Variants in TCF12 observed in about 807,000 individuals in gnomAD.
TCF12 encodes the protein transcription factor 12, also known as DNA-binding protein HTF4.
In TCF12, 45 loss-of-function variants were observed where a neutral mutation model predicts 86.0. The observed-to-expected ratio is 0.52, with a 90% confidence interval of 0.41 to 0.67. The LOEUF is 0.67. Among genes scored for constraint, TCF12 ranks in the 30% least tolerant of loss-of-function variants. TCF12 has a pLI of 0.00. For synonymous variants in TCF12, 330 were observed against 299.6 expected (o/e 1.10, Z -1.05); for missense variants, 881 against 859.9 (o/e 1.02, Z -0.31).
At chr15:57,022,742 T>A (rs1052773622) in intron 3 of TCF12, among the ~76,000 whole-genome samples, 2 of 152,226 alleles carry the variant, frequency 1.3e-5, no homozygotes, top group South Asian at 4.1e-4. Flanking sequence ...GTTTCCTGAC[T>A]TTTTAATGAT....
intron 5 of TCF12, among the ~76,000 whole-genome samples, chr15:57,165,752 T>G (rs1420590265): frequency 1.3e-5 from 2 of 151,962 alleles, no homozygotes; most frequent in Non-Finnish European, 2.9e-5. Flanking sequence ...TAGCCAGGAT[T>G]GTCTTGATCT....
chr15:57,127,231 T>C (rs1356435439), intron 5 of TCF12, among the ~76,000 whole-genome samples: 2 of 152,044 alleles, frequency 1.3e-5, no homozygotes, highest in African/African-American at 2.4e-5. Context: ...GATCCATTCA[T>C]CTTGGCCTCC....
intron 13 of TCF12, among the ~76,000 whole-genome samples, chr15:57,249,879 A>G (rs2060028394): frequency 6.6e-6 from 1 of 152,192 alleles, no homozygotes; most frequent in African/African-American, 2.4e-5. Flanking sequence ...ACAATCGTGA[A>G]ATAATGAAGA....
At chr15:57,073,897 C>T (rs187626372) in intron 4 of TCF12, among the ~76,000 whole-genome samples, 1 of 152,138 alleles carries the variant, frequency 6.6e-6, no homozygotes, top group Non-Finnish European at 1.5e-5. Flanking sequence ...TACAGGCGCC[C>T]ACCACCACTC....
At chr15:57,036,117 T>C (rs2066492229) in intron 3 of TCF12, among the ~76,000 whole-genome samples, 1 of 147,526 alleles carries the variant, frequency 6.8e-6, no homozygotes, top group Admixed American at 6.9e-5. Flanking sequence ...TTGAATAGTT[T>C]TGGGCTTTGA....
At chr15:57,100,423 CTT>C (rs571976256) in intron 5 of TCF12, among the ~76,000 whole-genome samples, 161 of 130,796 alleles carry the variant, frequency 1.2e-3, no homozygotes, top group African/African-American at 3.9e-3. Flanking sequence ...TTCACTTCCT[CTT>C]TTTTTTTTTT....
At chr15:57,098,852 A>G (rs1214624829) in intron 5 of TCF12, among the ~76,000 whole-genome samples, 3 of 152,226 alleles carry the variant, frequency 2.0e-5, no homozygotes, top group African/African-American at 7.2e-5. Flanking sequence ...TTTAAACAAT[A>G]TCATCAGCCC....
At chr15:56,939,981 T>G (rs1243594403) in intron 3 of TCF12, among the ~76,000 whole-genome samples, 4 of 149,790 alleles carry the variant, frequency 2.7e-5, no homozygotes, top group Non-Finnish European at 3.0e-5. Context: ...TTTTTTTTTT[T>G]TTTTTTTTTT....
intron 3 of TCF12, among the ~76,000 whole-genome samples, chr15:56,994,833 A>G (rs1430639090): frequency 6.6e-6 from 1 of 152,138 alleles, no homozygotes; most frequent in African/African-American, 2.4e-5. Flanking sequence ...TTAAGACAAA[A>G]GGGAAATTTA....
intron 4 of TCF12, among the ~76,000 whole-genome samples, chr15:57,068,708 G>T (rs1345624728): frequency 1.2e-4 from 18 of 152,166 alleles, no homozygotes; most frequent in Non-Finnish European, 2.2e-4. Flanking sequence ...AATCAAAGTT[G>T]ATTTAAGGTG....
chr15:56,919,087 G>A (rs2140144307), intron 1 of TCF12, 181 bp downstream of exon 1: 1 of 151,846 alleles, frequency 6.6e-6, no homozygotes, highest in South Asian at 2.1e-4. Context: ...GCGGAGGCTC[G>A]AGTCGCGGGC....
intron 3 of TCF12, among the ~76,000 whole-genome samples, chr15:56,953,760 A>T (rs1278928571): frequency 6.6e-6 from 1 of 151,024 alleles, no homozygotes; most frequent in Admixed American, 6.6e-5. Flanking sequence ...ATCTGTAGTG[A>T]TGTTACTGCT....
In TCF12 at chr15:57,097,257, T is replaced by A. The variant is rs143982289; in HGVS notation, c.325+5366T>A. On this transcript the variant is annotated intron_variant, in intron 5 of 20. Transcript: ENST00000333725. Reference sequence around the variant, plus strand: ...CCCTGCCCTCAAAAGTTAACTCTTTTGGCTTAGTGGGGTGGCTCACATTCC... The same window carrying A: ...CCCTGCCCTCAAAAGTTAACTCTTTAGGCTTAGTGGGGTGGCTCACATTCC... Among the ~76,000 whole-genome samples the A allele has an allele frequency of 5.6e-3, 857 of 152,258 alleles. 9 individuals carry two copies. Among genetic ancestry groups the A allele is most frequent in the African/African-American group, 0.02 (822 of 41,540 alleles).
intron 12 of TCF12, among the ~76,000 whole-genome samples, chr15:57,240,003 A>G (rs1400979748): frequency 6.6e-6 from 1 of 152,244 alleles, no homozygotes; most frequent in East Asian, 1.9e-4. Flanking sequence ...GAGATAAAGC[A>G]CAGGGAAATG....
At chr15:56,962,009 G>A (rs1183419686) in intron 3 of TCF12, among the ~76,000 whole-genome samples, 1 of 151,810 alleles carries the variant, frequency 6.6e-6, no homozygotes, top group African/African-American at 2.4e-5. Flanking sequence ...GCGGGCGCCT[G>A]TAGTCCCAGC....
At chr15:57,258,776 A>G (rs549436422) in intron 16 of TCF12, among the ~76,000 whole-genome samples, 23 of 152,188 alleles carry the variant, frequency 1.5e-4, no homozygotes, top group Non-Finnish European at 2.8e-4. Context: ...AATATAAATC[A>G]TGTCTGTTTT....
intron 6 of TCF12, among the ~76,000 whole-genome samples, chr15:57,176,981 A>T (rs2055959884): frequency 6.6e-6 from 1 of 152,164 alleles, no homozygotes; most frequent in Admixed American, 6.5e-5. Flanking sequence ...GATTAAGAAG[A>T]CGTAAGACTA....
At chr15:57,067,680 G>A (rs1412543353) in intron 4 of TCF12, among the ~76,000 whole-genome samples, 1 of 151,540 alleles carries the variant, frequency 6.6e-6, no homozygotes, top group Non-Finnish European at 1.5e-5. Flanking sequence ...ACAAACATTT[G>A]TTCCTTCCTC....
At chr15:56,920,125 G>A in intron 2 of TCF12, 137 bp downstream of exon 2, 1 of 941,252 alleles carries the variant, frequency 1.1e-6, no homozygotes, top group Admixed American at 2.3e-5. Flanking sequence ...TTCTGCTTAA[G>A]CAGTAGTTCT....
Sources: gnomAD v4.1 joint callset for allele counts (sites outside exome capture counted in the v4.1 genomes callset) on GRCh38, gnomAD v4.1.1 for gene constraint, MANE v1.5 for transcripts, NCBI Gene and HGNC (gene_info 2026-07-23, HGNC 2026-07-21) for gene names.